Variants in CRMP1 observed in about 807,000 individuals in gnomAD.
CRMP1 encodes the protein dihydropyrimidinase-related protein 1.
CRMP1 carries 19 observed loss-of-function variants against 68.3 expected under a neutral mutation model. The observed-to-expected ratio is 0.28, with a 90% CI of 0.19 to 0.41. The LOEUF is 0.41. CRMP1 is among the 10% of genes least tolerant of loss of function. CRMP1 has a pLI of 1.00. For missense variants in CRMP1, 791 were observed against 967.4 expected, an observed-to-expected ratio of 0.82 and a Z score of 2.42; for synonymous variants, 439 against 399.6, an observed-to-expected ratio of 1.10 and a Z score of -1.18.
At chr4:5,862,469 T>A (rs1041300012) in intron 2 of CRMP1, among the ~76,000 whole-genome samples, 1 of 152,204 alleles carries the variant, frequency 6.6e-6, no homozygotes, top group African/African-American at 2.4e-5. Flanking sequence ...ACGTGTGGGC[T>A]TGCCAAGAGC....
Position 5,891,181 on chromosome 4 carries a change from C to T in CRMP1, c.381+1408G>A, listed in dbSNP as rs997442010. On this transcript the variant is annotated intron_variant, in intron 1 of 13. Coordinates refer to ENST00000324989, the MANE Select transcript of CRMP1 (RefSeq NM_001014809.3). This position sits in a 1 kb window ranked among gnomAD's most constrained non-coding sequence, Gnocchi z 5.2. ...CCCCACCACCACACACACATACACA[C>T]ACACACACACACACACACACACACA... Among the ~76,000 whole-genome samples, 1 of 147,808 alleles carries T rather than the reference C, an allele frequency of 6.8e-6. No individual in the cohort carries two copies. Among genetic ancestry groups the T allele is most frequent in the African/African-American group, 2.5e-5 (1 of 39,624 alleles).
Position 5,888,047 on chromosome 4 carries a change from C to T in CRMP1, c.381+4542G>A, listed in dbSNP as rs1054762772. On this transcript the variant is annotated intron_variant, in intron 1 of 13. Transcript: ENST00000324989. This position sits in a 1 kb window ranked among gnomAD's most constrained non-coding sequence, Gnocchi z 6.4. ...CCGCCATGCGGGGCTCCCCCACCCCCATTGTCCCCAGAGGCTGGGGGAGGG... is the reference window on the plus strand; with the variant it reads ...CCGCCATGCGGGGCTCCCCCACCCCTATTGTCCCCAGAGGCTGGGGGAGGG... Among the ~76,000 whole-genome samples the T allele has an allele frequency of 6.6e-6, 1 of 152,006 alleles. No individual in the cohort carries two copies. Among genetic ancestry groups the T allele is most frequent in the African/African-American group, 2.4e-5 (1 of 41,430 alleles).
At chr4:5,863,884 C>T (rs551398132) in intron 2 of CRMP1, among the ~76,000 whole-genome samples, 3 of 152,156 alleles carry the variant, frequency 2.0e-5, no homozygotes, top group African/African-American at 4.8e-5. Flanking sequence ...GCAGGATGCA[C>T]GTTCAGAATA....
At position 5,860,721 on chromosome 4, in the gene CRMP1, G is replaced by T. The variant is rs1483587641; in HGVS notation, c.655+305C>A. On this transcript the variant is annotated intron_variant, in intron 3 of 13. Coordinates refer to ENST00000324989, the MANE Select transcript of CRMP1 (RefSeq NM_001014809.3). The surrounding 1 kb of genome is among the most constrained non-coding windows in gnomAD (Gnocchi z 4.2). ...AAATTTTGTTTCTAAAAATCTAAAT[G>T]TGACTTCAGTCTCATGCTAAGCGAT... 2.6e-5 allele frequency among the ~76,000 whole-genome samples: 4 copies of T among 150,954 alleles called. No homozygotes were observed. The highest frequency in any genetic ancestry group is 4.2e-4 in the South Asian group (2 of 4,788).
chr4:5,862,243 T>C (rs1237544455), intron 2 of CRMP1, among the ~76,000 whole-genome samples: 2 of 151,996 alleles, frequency 1.3e-5, no homozygotes, highest in African/African-American at 4.8e-5. Context: ...GAATCTCCAC[T>C]GCCGCTGCTT....
Position 5,881,590 on chromosome 4 carries a change from C to T in CRMP1, c.381+10999G>A, listed in dbSNP as rs1037630289. On this transcript the variant is annotated intron_variant, in intron 1 of 13. Transcript: ENST00000324989. This position sits in a 1 kb window ranked among gnomAD's most constrained non-coding sequence, Gnocchi z 4.6. ...GACCATGTTCTTTTATATGCTCTCA[C>T]GGCAAAGTCCTCCGGTGTTCCTCTT... is the stretch of plus-strand genomic sequence containing the variant. Among the ~76,000 whole-genome samples, 3 of 152,112 alleles carry T rather than the reference C, an allele frequency of 2.0e-5. No homozygotes were observed. The highest frequency in any genetic ancestry group is 1.3e-4 in the Admixed American group (2 of 15,272).
rs564113749 is a variant in CRMP1, at chr4:5,877,294, C to T, written c.382-10538G>A. On this transcript the variant is annotated intron_variant, in intron 1 of 13. Coordinates refer to ENST00000324989, the MANE Select transcript of CRMP1 (RefSeq NM_001014809.3). This position sits in a 1 kb window ranked among gnomAD's most constrained non-coding sequence, Gnocchi z 4.3. ...GGGGGTGTTTGTTAGGCAGCATCAT[C>T]GCATCAAAGCAAATTAATACATCGT... Among the ~76,000 whole-genome samples the T allele has an allele frequency of 1.7e-3, 257 of 152,322 alleles. 1 individual carries two copies. Among genetic ancestry groups the T allele is most frequent in the African/African-American group, 5.7e-3 (237 of 41,572 alleles).
chr4:5,843,216 G>A lies in CRMP1; in HGVS notation c.964-55C>T, dbSNP rs1711922859. Reference sequence around the variant, plus strand: ...TTAGAGGGTGTCAGAGCTGGGAGAAGTGACTCCTCCAACCCCCTGGTTAGA... The same window carrying A: ...TTAGAGGGTGTCAGAGCTGGGAGAAATGACTCCTCCAACCCCCTGGTTAGA... On this transcript the variant is annotated intron_variant, in intron 6 of 13. Coordinates refer to ENST00000324989, the MANE Select transcript of CRMP1 (RefSeq NM_001014809.3). This position sits in a 1 kb window ranked among gnomAD's most constrained non-coding sequence, Gnocchi z 4.1. The A allele has an allele frequency of 3.8e-6, 6 of 1,581,120 alleles. No homozygotes were observed. Among genetic ancestry groups the A allele is most frequent in the Non-Finnish European group, 4.3e-6 (5 of 1,150,204 alleles).
chr4:5,887,574 C>G, intron 1 of CRMP1: 1 of 985,472 alleles, frequency 1.0e-6, no homozygotes, highest in African/African-American at 1.7e-5. Flanking sequence ...TGTTCTGCCT[C>G]CACCACCGTC....
intron 6 of CRMP1, among the ~76,000 whole-genome samples, chr4:5,845,011 C>T (rs1712084652): frequency 6.6e-6 from 1 of 152,240 alleles, no homozygotes; most frequent in Admixed American, 6.5e-5. Context: ...TGGAATTCTA[C>T]ACACCGATGA....
intron 1 of CRMP1, among the ~76,000 whole-genome samples, chr4:5,882,962 T>C (rs904494479): frequency 1.3e-5 from 2 of 152,128 alleles, no homozygotes; most frequent in African/African-American, 4.8e-5. Context: ...CTTGGGTGCA[T>C]TCTCCCTGAT....
At chr4:5,835,417 C>T (rs1362764978) in intron 11 of CRMP1, among the ~76,000 whole-genome samples, 1 of 152,196 alleles carries the variant, frequency 6.6e-6, no homozygotes, top group Non-Finnish European at 1.5e-5. Context: ...ATATAAGATA[C>T]AAAGCAGAGA....
In CRMP1 at chr4:5,853,241, C is replaced by T. The variant is rs543722964; in HGVS notation, c.821-1772G>A. Among the ~76,000 whole-genome samples, 2 of 152,120 alleles carry T rather than the reference C, an allele frequency of 1.3e-5. No individual in the cohort carries two copies. Among genetic ancestry groups the T allele is most frequent in the African/African-American group, 4.8e-5 (2 of 41,420 alleles). On this transcript the variant is annotated intron_variant, in intron 4 of 13. Coordinates refer to ENST00000324989, the MANE Select transcript of CRMP1 (RefSeq NM_001014809.3). The surrounding 1 kb of genome is among the most constrained non-coding windows in gnomAD (Gnocchi z 4.7). ...CAGCCTGGCCAATATGGTGATACCC[C>T]GTCTCTACTAAAAATACAAAAATTA... is the stretch of plus-strand genomic sequence containing the variant.
chr4:5,830,799 C>T lies in CRMP1; in HGVS notation c.1624-2131G>A, dbSNP rs565390795. On this transcript the variant is annotated intron_variant, in intron 11 of 13. Coordinates refer to ENST00000324989, the MANE Select transcript of CRMP1 (RefSeq NM_001014809.3). ...CTATTTCAGCTACTCTCACATTTCT[C>T]ATCTGGGAACTCTGCTTTCCTAGCT... is the stretch of plus-strand genomic sequence containing the variant. Among the ~76,000 whole-genome samples the T allele has an allele frequency of 4.6e-5, 7 of 152,306 alleles. No individual in the cohort carries two copies. In the South Asian group the frequency reaches 1.2e-3, roughly 27 times the overall value.
intron 11 of CRMP1, among the ~76,000 whole-genome samples, chr4:5,830,149 C>T (rs760502814): frequency 4.6e-5 from 7 of 152,266 alleles, no homozygotes; most frequent in Non-Finnish European, 8.8e-5. Context: ...TTATTTCTTA[C>T]GGTGTCACTG....
chr4:5,891,014 G>A lies in CRMP1; in HGVS notation c.381+1575C>T, dbSNP rs571286725. ...GTGCTGGTCCCGCTTCTCGGCCCGC[G>A]GCCCAGAAGCCTCCCCATCGGGCTC... On this transcript the variant is annotated intron_variant, in intron 1 of 13. Transcript: ENST00000324989. The surrounding 1 kb of genome is among the most constrained non-coding windows in gnomAD (Gnocchi z 5.2). Among the ~76,000 whole-genome samples the A allele has an allele frequency of 1.1e-4, 17 of 152,100 alleles. No homozygotes were observed. Among genetic ancestry groups the A allele is most frequent in the African/African-American group, 3.1e-4 (13 of 41,498 alleles).
At chr4:5,885,646 T>C (rs1715530053) in intron 1 of CRMP1, among the ~76,000 whole-genome samples, 1 of 152,200 alleles carries the variant, frequency 6.6e-6, no homozygotes, top group Non-Finnish European at 1.5e-5. Flanking sequence ...CTGTCCCCTC[T>C]GTCTCCCCTA....
In CRMP1 at chr4:5,843,130, G is replaced by C; in HGVS notation, c.995C>G (p.Thr332Arg). 6.2e-7 allele frequency: 1 copy of C among 1,614,166 alleles called. No homozygotes were observed. Among genetic ancestry groups the C allele is most frequent in the Non-Finnish European group, 8.5e-7 (1 of 1,180,024 alleles). Reference protein sequence around the residue: ...EQKRILEMGITGPEGHALSRP... With the variant: ...EQKRILEMGIRGPEGHALSRP... ...GCTCAGGGCATGGCCCTCGGGACCC[G>C]TGATGCCCATCTCCAGGATCCGCTT... Residue 332 changes from threonine (T) to arginine (R), a missense_variant, in exon 7 of 14, where the codon ACG becomes AGG. Transcript: ENST00000324989. This position sits in a 1 kb window ranked among gnomAD's most constrained non-coding sequence, Gnocchi z 4.1.
chr4:5,850,092 G>T lies in CRMP1; in HGVS notation c.883-620C>A, dbSNP rs1418152538. Among the ~76,000 whole-genome samples, 1 of 152,288 alleles carries T rather than the reference G, an allele frequency of 6.6e-6. No homozygotes were observed. The highest frequency in any genetic ancestry group is 2.1e-4 in the South Asian group (1 of 4,824). On this transcript the variant is annotated intron_variant, in intron 5 of 13. Coordinates refer to ENST00000324989, the MANE Select transcript of CRMP1 (RefSeq NM_001014809.3). This position sits in a 1 kb window ranked among gnomAD's most constrained non-coding sequence, Gnocchi z 4.4. ...TTCTCTTCCTACCTGAGGAGAATCT[G>T]CATTTGGGCATTGCCCCTGGTAAGG...
Sources: allele counts gnomAD v4.1 joint callset (sites outside exome capture counted in the v4.1 genomes callset), GRCh38; gene constraint gnomAD v4.1.1; non-coding constraint Gnocchi (gnomAD v3.1); transcripts MANE v1.5; gene names NCBI Gene and HGNC (gene_info 2026-07-23, HGNC 2026-07-21).